The following CLCN7 variants were observed in gnomAD, a reference collection of about 807,000 sequenced individuals.
CLCN7 encodes Cl-/H+ antiporter 7, also known as H(+)/Cl(-) exchange transporter 7.
Under a neutral mutation model 102.1 loss-of-function variants are expected in CLCN7, and 60 were observed. The ratio of observed to expected loss-of-function variants is 0.59; its 90% CI spans 0.48 to 0.73. The LOEUF is 0.73. Ranked by LOEUF, CLCN7 falls within the 30% of genes least tolerant of loss-of-function variation. CLCN7 has a pLI of 0.00. For synonymous variants in CLCN7, 560 were observed against 490.5 expected (o/e 1.14, Z -1.87); for missense variants, 962 against 1,125.7 (o/e 0.85, Z 2.08).
chr16:1,461,487 C>T lies in CLCN7; in HGVS notation c.286-17G>A, dbSNP rs758316687. On this transcript the variant is annotated splice_polypyrimidine_tract_variant and intron_variant, in intron 3 of 24. Transcript: ENST00000382745. ...GTCCAAGCTCTGCAGGCCGGGACAGCAAGGGCAGCACTCAGCACCGAACCC... is the reference window on the plus strand; with the variant it reads ...GTCCAAGCTCTGCAGGCCGGGACAGTAAGGGCAGCACTCAGCACCGAACCC... 6 of 1,590,470 alleles carry T rather than the reference C, an allele frequency of 3.8e-6. No homozygotes were observed. Among genetic ancestry groups the T allele is most frequent in the African/African-American group, 1.3e-5 (1 of 74,840 alleles).
At chr16:1,465,815 C>T (rs550793501) in intron 1 of CLCN7, among the ~76,000 whole-genome samples, 1 of 152,182 alleles carries the variant, frequency 6.6e-6, no homozygotes, top group African/African-American at 2.4e-5. Context: ...CTGCCCTCCC[C>T]ACAGGACGCC....
chr16:1,471,198 G>A (rs1018038683), intron 1 of CLCN7, among the ~76,000 whole-genome samples: 1 of 152,124 alleles, frequency 6.6e-6, no homozygotes, highest in East Asian at 1.9e-4. Context: ...CCACTCCACA[G>A]TCTGCCCTGC....
chr16:1,459,194 G>A lies in CLCN7; in HGVS notation c.595-7C>T. ...CGCTGCCAGCAGCCACCGGCTGAAA[G>A]AGGGGAAGCACGGCTGAGTGGGTCA... is the stretch of plus-strand genomic sequence containing the variant. On this transcript the variant is annotated splice_region_variant and splice_polypyrimidine_tract_variant and intron_variant, in intron 6 of 24. Transcript: ENST00000382745. 1 of 1,612,800 alleles carries A rather than the reference G, an allele frequency of 6.2e-7. No homozygotes were observed. The highest frequency in any genetic ancestry group is 1.1e-5 in the South Asian group (1 of 91,016).
At chr16:1,446,749 C>T (rs777522217) in intron 24 of CLCN7, 32 bp from the exon 25 acceptor site, 29 of 1,533,636 alleles carry the variant, frequency 1.9e-5, no homozygotes, top group African/African-American at 1.2e-4. Flanking sequence ...CAGTGACACA[C>T]GGGTCGGCTC....
In CLCN7 at chr16:1,460,903, T is replaced by C. The variant is rs1448304600; in HGVS notation, c.397A>G (p.Ile133Val). The C allele has an allele frequency of 6.2e-7, 1 of 1,613,924 alleles. No homozygotes were observed. The change falls in exon 5 of 25, where the codon ATT becomes GTT. Residue 133 changes from isoleucine to valine, a missense_variant. Coordinates refer to ENST00000382745, the MANE Select transcript of CLCN7 (RefSeq NM_001287.6). ...GCCACGAGGCCCGTGAGGATCCCAA[T>C]GAGGGCGCAGATGACCCAGCGCTTG... The part of the protein sequence containing the change: ...EIKRWVICAL[I>V]GILTGLVACF...
At chr16:1,462,537 G>A (rs1306058030) in intron 2 of CLCN7, among the ~76,000 whole-genome samples, 1 of 151,522 alleles carries the variant, frequency 6.6e-6, no homozygotes, top group East Asian at 2.0e-4. Context: ...CACCACGCCT[G>A]GCTAATTTTT....
chr16:1,448,910 C>T (rs966279317), intron 19 of CLCN7, 56 bp downstream of exon 19: 10 of 1,607,798 alleles, frequency 6.2e-6, no homozygotes, highest in African/African-American at 1.3e-5. Flanking sequence ...CACAGGGGCC[C>T]CTCCCCTATG....
In CLCN7 at chr16:1,457,422, C is replaced by G. The variant is rs569495063; in HGVS notation, c.739-85G>C. ...AGAAGGACCGATGCTCAGAGACACG[C>G]GTGACGCGGCCCTTCCTGGAGACCA... On this transcript the variant is annotated intron_variant, in intron 8 of 24. Transcript: ENST00000382745. The surrounding 1 kb of genome is among the most constrained non-coding windows in gnomAD (Gnocchi z 5.4). The G allele has an allele frequency of 1.7e-6, 2 of 1,154,740 alleles. No homozygotes were observed. The highest frequency in any genetic ancestry group is 4.0e-5 in the Admixed American group (2 of 49,876). The allele number at this position is 1,154,740 out of a possible 1,614,324, so 71.5% of individuals were successfully genotyped here.
Position 1,457,858 on chromosome 16 carries a change from T to A in CLCN7, c.676-102A>T. The A allele has an allele frequency of 2.5e-6, 3 of 1,221,714 alleles. No homozygotes were observed. Among genetic ancestry groups the A allele is most frequent in the Non-Finnish European group, 3.6e-6 (3 of 837,690 alleles). 75.7% of individuals were successfully genotyped at this position (1,221,714 alleles called of 1,614,324 possible). A position where few individuals can be genotyped will look rare whatever the true frequency, so the allele number is the denominator to read the frequency against. On this transcript the variant is annotated intron_variant, in intron 7 of 24. Transcript: ENST00000382745. This position sits in a 1 kb window ranked among gnomAD's most constrained non-coding sequence, Gnocchi z 5.4. Reference sequence around the variant, plus strand: ...CACAGCCCCGATCAGGCAGAGTGGCTGGGACACGGGGCCTCCGGGAGGGGG... The same window carrying A: ...CACAGCCCCGATCAGGCAGAGTGGCAGGGACACGGGGCCTCCGGGAGGGGG...
At chr16:1,447,195 G>T in intron 23 of CLCN7, 109 bp from the exon 24 acceptor site, 1 of 1,225,078 alleles carries the variant, frequency 8.2e-7, no homozygotes, top group East Asian at 2.5e-5. Context: ...GGCACGTCCT[G>T]AGCCCCCACG....
At chr16:1,474,310 C>T (rs2039120146) in intron 1 of CLCN7, 1 of 420,412 alleles carries the variant, frequency 2.4e-6, no homozygotes, top group Admixed American at 2.6e-5. Context: ...ACCTGAAAGT[C>T]GGGACTGATC....
At chr16:1,451,178 C>T (rs1289065564) in intron 16 of CLCN7, among the ~76,000 whole-genome samples, 2 of 152,208 alleles carry the variant, frequency 1.3e-5, no homozygotes, top group South Asian at 2.1e-4. Context: ...GAGGCCAGGC[C>T]GTGGTCTTGG....
Position 1,450,679 on chromosome 16 carries a change from A to G in CLCN7, c.1448-13T>C, listed in dbSNP as rs773086945. 3 of 1,590,096 alleles carry G rather than the reference A, an allele frequency of 1.9e-6. No homozygotes were observed. In the East Asian group the frequency reaches 6.8e-5, roughly 36 times the overall value. Reference sequence around the variant, plus strand: ...GGGTTGTAGGAGCCTAGGAGAGAAGAGGGGCTGACGGGGCCTCCACGACTC... The same window carrying G: ...GGGTTGTAGGAGCCTAGGAGAGAAGGGGGGCTGACGGGGCCTCCACGACTC... On this transcript the variant is annotated splice_polypyrimidine_tract_variant and intron_variant, in intron 16 of 24. Coordinates refer to ENST00000382745, the MANE Select transcript of CLCN7 (RefSeq NM_001287.6).
At chr16:1,469,039 GAAA>G (rs58295150) in intron 1 of CLCN7, among the ~76,000 whole-genome samples, 1 of 118,622 alleles carries the variant, frequency 8.4e-6, no homozygotes, top group Admixed American at 8.8e-5. Context: ...TAAAAAAAAC[GAAA>G]AAAAAAAAAA....
chr16:1,473,912 C>T (rs1483837253), intron 1 of CLCN7, among the ~76,000 whole-genome samples: 1 of 151,894 alleles, frequency 6.6e-6, no homozygotes. Flanking sequence ...CGGAGGAACC[C>T]CGTCTCTACT....
Position 1,454,473 on chromosome 16 carries a change from G to A in CLCN7, c.1099-8C>T, listed in dbSNP as rs1188556155. 2.5e-6 allele frequency: 4 copies of A among 1,613,330 alleles called. No individual in the cohort carries two copies. The highest frequency in any genetic ancestry group is 3.4e-6 in the Non-Finnish European group (4 of 1,179,656). ...GATCGTGTAGGCCATTTTCTGTGCA[G>A]AGAGAGGGAGAAGGCAGAGGATGTG... On this transcript the variant is annotated splice_region_variant and splice_polypyrimidine_tract_variant and intron_variant, in intron 12 of 24. Coordinates refer to ENST00000382745, the MANE Select transcript of CLCN7 (RefSeq NM_001287.6).
In CLCN7 at chr16:1,448,950, C is replaced by T. The variant is rs12932780; in HGVS notation, c.1797+16G>A. On this transcript the variant is annotated intron_variant, in intron 19 of 24. Transcript: ENST00000382745. ...CACCCACGCTCTCAGGGTGAGGCTTCGAGGCCCTGGCGCACCTCAATGAAG... is the reference window on the plus strand; with the variant it reads ...CACCCACGCTCTCAGGGTGAGGCTTTGAGGCCCTGGCGCACCTCAATGAAG... The T allele has an allele frequency of 0.095, 152,887 of 1,611,712 alleles. 8,117 individuals are homozygous for T. Among genetic ancestry groups the T allele is most frequent in the African/African-American group, 0.11 (8,517 of 74,998 alleles).
At chr16:1,460,742 CA>C in intron 5 of CLCN7, 73 bp downstream of exon 5, 1 of 1,609,082 alleles carries the variant, frequency 6.2e-7, no homozygotes, top group Non-Finnish European at 8.5e-7. Context: ...ACGCTGGGCT[CA>C]GGACTTCTGC....
rs912679487 is a variant in CLCN7, at chr16:1,447,729, C to G, written c.2014-15G>C. On this transcript the variant is annotated splice_polypyrimidine_tract_variant and intron_variant, in intron 21 of 24. Transcript: ENST00000382745. Reference sequence around the variant, plus strand: ...AGCCGGGCAGGCTGCAAGACAGGCCCGCGGTCAGGGCCACGGGCCCGAGGG... The same window carrying G: ...AGCCGGGCAGGCTGCAAGACAGGCCGGCGGTCAGGGCCACGGGCCCGAGGG... 3 of 1,549,854 alleles carry G rather than the reference C, an allele frequency of 1.9e-6. No individual in the cohort carries two copies. Among genetic ancestry groups the G allele is most frequent in the Non-Finnish European group, 2.6e-6 (3 of 1,147,002 alleles).
Sources: allele counts gnomAD v4.1 joint callset (sites outside exome capture counted in the v4.1 genomes callset), GRCh38; gene constraint gnomAD v4.1.1; non-coding constraint Gnocchi (gnomAD v3.1); transcripts MANE v1.5; gene names NCBI Gene and HGNC (gene_info 2026-07-23, HGNC 2026-07-21).